The following SLC22A14 variants were observed in gnomAD, a reference collection of about 807,000 sequenced individuals.
The protein encoded by SLC22A14 is solute carrier family 22 member 14, also known as organic cation transporter-like 4.
SLC22A14 carries 50 observed loss-of-function variants against 53.9 expected under a neutral mutation model. That is an observed-to-expected ratio of 0.93 (90% CI 0.74 to 1.17). The LOEUF is 1.17. SLC22A14 is among the 50% of genes most tolerant of loss of function. The probability of loss-of-function intolerance (pLI) is 0.00; values close to 1 mark genes in which losing one functional copy is unlikely to be tolerated. For missense variants in SLC22A14, 671 were observed against 734.7 expected (o/e 0.91, Z 1.00); for synonymous variants, 312 against 303.0 (o/e 1.03, Z -0.31).
chr3:38,285,158 T>C (rs756016746), intron 1 of SLC22A14, among the ~76,000 whole-genome samples: 5 of 152,130 alleles, frequency 3.3e-5, no homozygotes, highest in Admixed American at 6.5e-5. Context: ...CTGTGGAAAA[T>C]ACTAAGAGCA....
chr3:38,286,015 C>T (rs187610539), intron 1 of SLC22A14, among the ~76,000 whole-genome samples: 2 of 152,258 alleles, frequency 1.3e-5, no homozygotes, highest in East Asian at 1.9e-4. Context: ...GGCAGATCAC[C>T]TGAGGTTGGG....
upstream of SLC22A14, among the ~76,000 whole-genome samples, chr3:38,281,846 C>G (rs1223081796): frequency 6.6e-6 from 1 of 152,208 alleles, no homozygotes; most frequent in Non-Finnish European, 1.5e-5. Flanking sequence ...CTCCCTTCCC[C>G]CAAGCATGAA....
rs1436692462 is a variant in SLC22A14 at position 38,295,753 on chromosome 3, CTCTG to C, written c.1-10270_1-10267del. Among the ~76,000 whole-genome samples, 216 of 151,892 alleles carry C rather than the reference CTCTG, an allele frequency of 1.4e-3. 1 individual carries two copies. The highest frequency in any genetic ancestry group is 5.1e-3 in the African/African-American group (212 of 41,388). On this transcript the variant is annotated intron_variant, in intron 1 of 10. Coordinates refer to ENST00000448498, the MANE Select transcript of SLC22A14 (RefSeq NM_001320033.2). ...TCTCCTCTCTGTCTCTCTCTCTCCT[CTCTG>C]TCTCTCTCCTCTCTGTCTGTCTCTG...
chr3:38,280,776 T>G (rs1056194439), upstream of SLC22A14, among the ~76,000 whole-genome samples: 2 of 152,220 alleles, frequency 1.3e-5, no homozygotes, highest in African/African-American at 4.8e-5. Flanking sequence ...ATTACAGGTG[T>G]GCGCCACTGC....
At chr3:38,292,373 G>T (rs2125874816) in intron 1 of SLC22A14, among the ~76,000 whole-genome samples, 1 of 152,304 alleles carries the variant, frequency 6.6e-6, no homozygotes, top group South Asian at 2.1e-4. Flanking sequence ...GTCCAGGACT[G>T]TAAACCACTC....
At chr3:38,279,551 G>C (rs1416093170), upstream of SLC22A14, among the ~76,000 whole-genome samples, 3 of 152,198 alleles carry the variant, frequency 2.0e-5, no homozygotes, top group Non-Finnish European at 2.9e-5. Context: ...AAAGTATTGG[G>C]ATTACAGGCA....
chr3:38,283,340 G>A (rs1703714100), intron 1 of SLC22A14, among the ~76,000 whole-genome samples: 1 of 152,020 alleles, frequency 6.6e-6, no homozygotes, highest in Non-Finnish European at 1.5e-5. Flanking sequence ...TCTCTCCGGG[G>A]GGCGCTTATG....
chr3:38,294,284 T>C (rs531390804), intron 1 of SLC22A14, among the ~76,000 whole-genome samples: 21 of 152,078 alleles, frequency 1.4e-4, no homozygotes, highest in Non-Finnish European at 2.9e-4. Flanking sequence ...TTTTACATAA[T>C]TGTGAGTTGT....
intron 1 of SLC22A14, among the ~76,000 whole-genome samples, chr3:38,288,140 C>G (rs1227896992): frequency 6.6e-6 from 1 of 152,210 alleles, no homozygotes; most frequent in Non-Finnish European, 1.5e-5. Context: ...ATTCTACTTT[C>G]TGTGTCTATG....
upstream of SLC22A14, among the ~76,000 whole-genome samples, chr3:38,281,565 A>G (rs992101778): frequency 2.0e-5 from 3 of 152,202 alleles, no homozygotes; most frequent in East Asian, 3.8e-4. Context: ...CACCAGTCCC[A>G]TTCTCATAAC....
At position 38,318,525 on chromosome 3, in the gene SLC22A14, G is replaced by T; in HGVS notation, c.*276G>T. Reference sequence around the variant, plus strand: ...ATTAAAAAAAATGCCCCCTCCTTCTGCAGGAGCTCTGCTGTGATTCATTCC... The same window carrying T: ...ATTAAAAAAAATGCCCCCTCCTTCTTCAGGAGCTCTGCTGTGATTCATTCC... On this transcript the variant is annotated 3_prime_UTR_variant, in exon 11 of 11. Transcript: ENST00000448498. The T allele has an allele frequency of 2.4e-6, 1 of 414,062 alleles. No individual in the cohort carries two copies. Among genetic ancestry groups the T allele is most frequent in the Non-Finnish European group, 4.4e-6 (1 of 226,182 alleles). 25.6% of individuals were successfully genotyped at this position (414,062 alleles called of 1,614,324 possible).
chr3:38,314,928 A>G (rs1704578147), intron 8 of SLC22A14, among the ~76,000 whole-genome samples: 1 of 152,234 alleles, frequency 6.6e-6, no homozygotes. Flanking sequence ...AGAGACAAGA[A>G]AAGCCAGGAC....
At chr3:38,280,790 A>C (rs545561123), upstream of SLC22A14, among the ~76,000 whole-genome samples, 103 of 152,288 alleles carry the variant, frequency 6.8e-4, no homozygotes, top group African/African-American at 2.4e-3. Flanking sequence ...CCACTGCGCC[A>C]GGCTAATTTT....
At chr3:38,299,684 T>C (rs1704118178) in intron 1 of SLC22A14, among the ~76,000 whole-genome samples, 1 of 152,212 alleles carries the variant, frequency 6.6e-6, no homozygotes, top group Admixed American at 6.5e-5. Context: ...TGCTTTAGCC[T>C]CCCAAGTAGC....
In SLC22A14 at chr3:38,307,290, A is replaced by G. The variant is rs1559551145; in HGVS notation, c.553A>G (p.Thr185Ala). ...LVCGMETKKD[T>A]AQIMFMAGLP... ...ATGTGGCATGGAGACGAAGAAGGAC[A>G]CTGCACAGATCATGTTCATGGCAGG... The change falls in exon 3 of 11, where the codon ACT (threonine) becomes GCT (alanine). Residue 185 changes from threonine (T) to alanine (A), a missense_variant. Transcript: ENST00000448498. This position sits in a 1 kb window ranked among gnomAD's most constrained non-coding sequence, Gnocchi z 4.4. 6.2e-7 allele frequency: 1 copy of G among 1,614,008 alleles called. No individual in the cohort carries two copies. The highest frequency in any genetic ancestry group is 1.3e-5 in the African/African-American group (1 of 74,932).
Position 38,318,188 on chromosome 3 carries a change from G to T in SLC22A14, c.1734-10G>T. 2 of 1,613,220 alleles carry T rather than the reference G, an allele frequency of 1.2e-6. No homozygotes were observed. Among genetic ancestry groups the T allele is most frequent in the Non-Finnish European group, 1.7e-6 (2 of 1,179,162 alleles). On this transcript the variant is annotated splice_polypyrimidine_tract_variant and intron_variant, in intron 10 of 10. Coordinates refer to ENST00000448498, the MANE Select transcript of SLC22A14 (RefSeq NM_001320033.2). ...GTGGCCCTGGACTCATCCTCTGATG[G>T]CTCTTTCAGGAATAAGGTCAAGGAC...
At chr3:38,290,022 T>C (rs1703877750) in intron 1 of SLC22A14, among the ~76,000 whole-genome samples, 1 of 152,230 alleles carries the variant, frequency 6.6e-6, no homozygotes, top group Admixed American at 6.5e-5. Context: ...CTCCTGTTTT[T>C]GCCTAATTAG....
Position 38,318,300 on chromosome 3 carries a change from C to A in SLC22A14, c.*51C>A. ...AATGCCCAGATCCTGAGATTGGACCCATACCCTGTCTCCAACCCTGCCTTG... is the reference window on the plus strand; with the variant it reads ...AATGCCCAGATCCTGAGATTGGACCAATACCCTGTCTCCAACCCTGCCTTG... On this transcript the variant is annotated 3_prime_UTR_variant, in exon 11 of 11. Coordinates refer to ENST00000448498, the MANE Select transcript of SLC22A14 (RefSeq NM_001320033.2). 6.6e-7 allele frequency: 1 copy of A among 1,505,956 alleles called. No homozygotes were observed. 93.3% of individuals were successfully genotyped at this position (1,505,956 alleles called of 1,614,324 possible).
At chr3:38,312,935 A>T in intron 5 of SLC22A14, 64 bp from the exon 6 acceptor site, 3 of 1,554,060 alleles carry the variant, frequency 1.9e-6, no homozygotes, top group Non-Finnish European at 2.6e-6. Flanking sequence ...AGGCCACGAG[A>T]GGGCCAGCAG....
Sources: gnomAD v4.1 joint callset for allele counts (sites outside exome capture counted in the v4.1 genomes callset) on GRCh38, gnomAD v4.1.1 for gene constraint, Gnocchi (gnomAD v3.1) non-coding constraint, MANE v1.5 for transcripts, NCBI Gene and HGNC (gene_info 2026-07-23, HGNC 2026-07-21) for gene names.